The following ZNF469 variants were observed in gnomAD, a reference collection of about 807,000 sequenced individuals.
ZNF469 encodes the protein zinc finger protein 469.
A neutral mutation model predicts 1.0 loss-of-function variants in ZNF469; 1 was observed. The ratio of observed to expected loss-of-function variants is 1.00; its 90% CI spans 0.35 to 4.73. The LOEUF is 4.73. Among genes scored for constraint, ZNF469 ranks in the 30% most tolerant of loss-of-function variants. The pLI, the probability that ZNF469 is intolerant of heterozygous loss-of-function variation, is 0.16. For synonymous variants in ZNF469, 2,703 were observed against 2,363.4 expected, an observed-to-expected ratio of 1.14 and a Z score of -4.17; for missense variants, 6,100 against 5,356.3, an observed-to-expected ratio of 1.14 and a Z score of -4.33.
At chr16:88,119,094 C>T in the ZNF469 span, among the ~76,000 whole-genome samples, 2 of 152,216 alleles carry the variant, frequency 1.3e-5, no homozygotes, top group Non-Finnish European at 2.9e-5. Context: ...AACTCTTGGG[C>T]TTGTTTTGCC....
chr16:88,372,080 CCATCATCACCATCACCACCAT>C, the ZNF469 span, among the ~76,000 whole-genome samples: 2 of 104,636 alleles, frequency 1.9e-5, no homozygotes, highest in East Asian at 2.9e-4. Flanking sequence ...ACCATCACCA[CCATCATCACCATCACCACCAT>C]CATCACCATC....
At chr16:88,164,180 G>C in the ZNF469 span, among the ~76,000 whole-genome samples, 2 of 151,874 alleles carry the variant, frequency 1.3e-5, no homozygotes, top group Non-Finnish European at 2.9e-5. Context: ...ATGGATGGAT[G>C]GACGAGTGGG....
At chr16:88,111,173 G>A in the ZNF469 span, among the ~76,000 whole-genome samples, 7 of 152,352 alleles carry the variant, frequency 4.6e-5, no homozygotes, top group East Asian at 7.7e-4. Flanking sequence ...CGCCACTGCC[G>A]AAGAGGCCAG....
At chr16:88,140,169 G>T in the ZNF469 span, among the ~76,000 whole-genome samples, 30 of 152,326 alleles carry the variant, frequency 2.0e-4, no homozygotes, top group African/African-American at 7.2e-4. Context: ...ATTTGGCATT[G>T]AAGTGGCAGA....
chr16:88,153,568 G>A, the ZNF469 span, among the ~76,000 whole-genome samples: 2 of 152,368 alleles, frequency 1.3e-5, no homozygotes, highest in Non-Finnish European at 2.9e-5. Context: ...AATGGCACGT[G>A]CAGGCGAGAA....
At chr16:88,286,905 A>T in the ZNF469 span, among the ~76,000 whole-genome samples, 1 of 152,180 alleles carries the variant, frequency 6.6e-6, no homozygotes, top group Non-Finnish European at 1.5e-5. Context: ...GAACTCGCTC[A>T]GGAGAGGAGA....
At chr16:88,134,729 GC>G in the ZNF469 span, among the ~76,000 whole-genome samples, 1 of 152,218 alleles carries the variant, frequency 6.6e-6, no homozygotes, top group African/African-American at 2.4e-5. Flanking sequence ...CTGCCGTCTG[GC>G]AGGTGGCCTG....
upstream of ZNF469, among the ~76,000 whole-genome samples, chr16:88,379,573 C>T (rs2092516026): frequency 6.6e-6 from 1 of 152,118 alleles, no homozygotes; most frequent in Admixed American, 6.5e-5. Context: ...CAGGAGGGTG[C>T]TGATACCAGG....
chr16:88,406,493 C>T (rs976473167), intron 1 of ZNF469, among the ~76,000 whole-genome samples: 4 of 152,232 alleles, frequency 2.6e-5, no homozygotes, highest in Non-Finnish European at 4.4e-5. Flanking sequence ...CTGCGCCTGC[C>T]GCCTGCAGCT....
the ZNF469 span, among the ~76,000 whole-genome samples, chr16:88,299,880 C>A: frequency 1.3e-5 from 2 of 152,226 alleles, no homozygotes; most frequent in African/African-American, 4.8e-5. Context: ...CTGAGGCCAG[C>A]ACTGCCCCGG....
chr16:88,264,270 G>T, the ZNF469 span, among the ~76,000 whole-genome samples: 2 of 151,926 alleles, frequency 1.3e-5, no homozygotes, highest in Non-Finnish European at 1.5e-5. Flanking sequence ...GACGCCCCGT[G>T]GCTCCTGCCC....
chr16:88,358,744 A>G, the ZNF469 span, among the ~76,000 whole-genome samples: 3 of 151,584 alleles, frequency 2.0e-5, no homozygotes, highest in African/African-American at 4.9e-5. Context: ...TTTGAGACCG[A>G]GTCTTGCTAT....
At chr16:88,118,587 G>A in the ZNF469 span, among the ~76,000 whole-genome samples, 7 of 152,184 alleles carry the variant, frequency 4.6e-5, no homozygotes, top group Admixed American at 3.3e-4. Flanking sequence ...GGCACACCCC[G>A]GGTGCTCCTG....
At chr16:88,223,025 A>G in the ZNF469 span, among the ~76,000 whole-genome samples, 2 of 152,246 alleles carry the variant, frequency 1.3e-5, no homozygotes, top group African/African-American at 4.8e-5. Context: ...CTGCCACACA[A>G]GGGTAAAAAC....
chr16:88,110,767 G>A, the ZNF469 span, among the ~76,000 whole-genome samples: 2 of 152,380 alleles, frequency 1.3e-5, no homozygotes, highest in East Asian at 3.9e-4. Context: ...AGGGAGTGCT[G>A]TGCGGGTTGG....
At chr16:88,277,259 C>G in the ZNF469 span, among the ~76,000 whole-genome samples, 1 of 150,726 alleles carries the variant, frequency 6.6e-6, no homozygotes, top group African/African-American at 2.5e-5. Flanking sequence ...GTGTAGATAT[C>G]AGTGCATGGT....
At chr16:88,338,307 C>T in the ZNF469 span, among the ~76,000 whole-genome samples, 2 of 152,240 alleles carry the variant, frequency 1.3e-5, no homozygotes, top group African/African-American at 2.4e-5. Flanking sequence ...GTCCAGGCTG[C>T]GGGATAGTGC....
the ZNF469 span, among the ~76,000 whole-genome samples, chr16:88,240,212 G>C: frequency 6.6e-6 from 1 of 152,224 alleles, no homozygotes; most frequent in South Asian, 2.1e-4. Flanking sequence ...CTGGAGGTCA[G>C]GACGTGTCTT....
At chr16:88,375,684 C>T in the ZNF469 span, among the ~76,000 whole-genome samples, 171 of 152,344 alleles carry the variant, frequency 1.1e-3, 1 homozygote, top group African/African-American at 4.0e-3. Flanking sequence ...CGGGCGCCAT[C>T]GCAGGCATGA....
Sources: gnomAD v4.1 joint callset for allele counts (sites outside exome capture counted in the v4.1 genomes callset) on GRCh38, gnomAD v4.1.1 for gene constraint, MANE v1.5 for transcripts, NCBI Gene and HGNC (gene_info 2026-07-23, HGNC 2026-07-21) for gene names.